The following RORA variants were observed in gnomAD, a reference collection of about 807,000 sequenced individuals.
RORA encodes the protein RAR related orphan receptor A.
RORA carries 7 observed loss-of-function variants against 69.5 expected under a neutral mutation model. That is an observed-to-expected ratio of 0.10 (90% CI 0.06 to 0.19). The LOEUF is 0.19. Ranked by LOEUF, RORA falls within the 10% of genes least tolerant of loss-of-function variation. The pLI is 1.00. For synonymous variants in RORA, 261 were observed against 240.8 expected, an observed-to-expected ratio of 1.08 and a Z score of -0.78; for missense variants, 457 against 663.0, an observed-to-expected ratio of 0.69 and a Z score of 3.41.
chr15:60,895,737 C>T (rs986728118), intron 1 of RORA, among the ~76,000 whole-genome samples: 3 of 152,210 alleles, frequency 2.0e-5, no homozygotes, highest in East Asian at 1.9e-4. Flanking sequence ...GCCCATACAA[C>T]GCACATGGTC....
chr15:60,521,279 G>A (rs945217859), intron 3 of RORA, among the ~76,000 whole-genome samples: 1 of 148,676 alleles, frequency 6.7e-6, no homozygotes, highest in African/African-American at 2.5e-5. Flanking sequence ...GTCTTGGTCC[G>A]TCACCAGGCT....
intron 1 of RORA, among the ~76,000 whole-genome samples, chr15:60,774,461 C>G (rs997736290): frequency 5.3e-5 from 8 of 152,210 alleles, no homozygotes; most frequent in Non-Finnish European, 8.8e-5. Context: ...CACCAGACAT[C>G]CCTTCCTAAG....
At chr15:60,718,647 T>C (rs2071251531) in intron 1 of RORA, among the ~76,000 whole-genome samples, 1 of 152,086 alleles carries the variant, frequency 6.6e-6, no homozygotes, top group Non-Finnish European at 1.5e-5. Flanking sequence ...AGTGGAGTAG[T>C]GAGAAATTAA....
intron 1 of RORA, among the ~76,000 whole-genome samples, chr15:60,875,217 A>G (rs946233489): frequency 6.6e-6 from 1 of 152,204 alleles, no homozygotes; most frequent in African/African-American, 2.4e-5. Context: ...TGCCTGGTAC[A>G]TAGTTGATGC....
rs138317498 is a variant in RORA at position 60,934,388 on chromosome 15, A to G, written c.167-255702T>C. 2.3e-3 allele frequency among the ~76,000 whole-genome samples: 341 copies of G among 150,476 alleles called. 3 individuals are homozygous for G. The highest frequency in any genetic ancestry group is 7.8e-3 in the African/African-American group (318 of 41,008). ...AGTCCTCTGGAGGGCTTGTAAAAAGAAAAAAAAACAAAAACACAGATTGCT... is the reference window on the plus strand; with the variant it reads ...AGTCCTCTGGAGGGCTTGTAAAAAGGAAAAAAAACAAAAACACAGATTGCT... On this transcript the variant is annotated intron_variant, in intron 1 of 10. Coordinates refer to ENST00000335670, the MANE Select transcript of RORA (RefSeq NM_134261.3).
chr15:60,992,186 G>A (rs1894400527), intron 1 of RORA, among the ~76,000 whole-genome samples: 1 of 152,168 alleles, frequency 6.6e-6, no homozygotes, highest in South Asian at 2.1e-4. Context: ...GGAGGAAATG[G>A]CACAAAGAAG....
At chr15:60,558,384 A>G (rs2067433105) in intron 2 of RORA, 1 of 871,692 alleles carries the variant, frequency 1.1e-6, no homozygotes, top group Non-Finnish European at 1.9e-6. Flanking sequence ...TGTTTATTAC[A>G]AAACAGGAAC....
chr15:60,627,966 T>C (rs2069636244), intron 2 of RORA, among the ~76,000 whole-genome samples: 1 of 152,228 alleles, frequency 6.6e-6, no homozygotes, highest in African/African-American at 2.4e-5. Context: ...TAATTATTTA[T>C]TTATTTTTTA....
intron 1 of RORA, among the ~76,000 whole-genome samples, chr15:60,866,870 A>T (rs1424477875): frequency 6.6e-6 from 1 of 151,456 alleles, no homozygotes; most frequent in African/African-American, 2.4e-5. Flanking sequence ...CTACCTATCT[A>T]CCTATCTAGT....
At chr15:60,681,145 T>C (rs547837238) in intron 1 of RORA, among the ~76,000 whole-genome samples, 52 of 152,328 alleles carry the variant, frequency 3.4e-4, no homozygotes, top group Non-Finnish European at 6.3e-4. Flanking sequence ...TAGTACTTCA[T>C]AGTAAATGAT....
Position 60,734,618 on chromosome 15 carries a change from C to T in RORA, c.167-55932G>A, listed in dbSNP as rs558595873. ...GCCCACTGTTAGATTTCTTGGGACC[C>T]CGACCTCTCCATGTCCTGCGTGGGT... is the stretch of plus-strand genomic sequence containing the variant. On this transcript the variant is annotated intron_variant, in intron 1 of 10. Transcript: ENST00000335670. Among the ~76,000 whole-genome samples, 6 of 152,262 alleles carry T rather than the reference C, an allele frequency of 3.9e-5. No homozygotes were observed. The South Asian group carries it at 1.2e-3, about 32-fold the overall frequency.
chr15:60,588,617 G>A (rs1170287967), intron 2 of RORA, among the ~76,000 whole-genome samples: 1 of 152,148 alleles, frequency 6.6e-6, no homozygotes, highest in Non-Finnish European at 1.5e-5. Flanking sequence ...CTTTTATTGT[G>A]TCTCACTTGA....
At chr15:60,928,879 G>A (rs1211308937) in intron 1 of RORA, among the ~76,000 whole-genome samples, 1 of 152,232 alleles carries the variant, frequency 6.6e-6, no homozygotes, top group Non-Finnish European at 1.5e-5. Context: ...GGGGCACCAG[G>A]TGTACAGCTA....
intron 1 of RORA, among the ~76,000 whole-genome samples, chr15:61,201,718 A>G (rs1363658375): frequency 6.6e-6 from 1 of 152,230 alleles, no homozygotes; most frequent in East Asian, 1.9e-4. Flanking sequence ...AAACCAGTGA[A>G]ACACTGTCTC....
At chr15:61,196,844 G>A (rs2079850044) in intron 1 of RORA, among the ~76,000 whole-genome samples, 1 of 152,192 alleles carries the variant, frequency 6.6e-6, no homozygotes, top group Non-Finnish European at 1.5e-5. Flanking sequence ...CAAACGGAGG[G>A]CTGCTTTTTC....
intron 1 of RORA, among the ~76,000 whole-genome samples, chr15:60,968,093 G>A (rs1477612108): frequency 6.6e-6 from 1 of 152,204 alleles, no homozygotes; most frequent in Non-Finnish European, 1.5e-5. Flanking sequence ...TAATAAATAT[G>A]TATTGGTGCT....
chr15:60,523,607 CCT>C (rs1438280522), intron 3 of RORA, among the ~76,000 whole-genome samples: 6 of 152,156 alleles, frequency 3.9e-5, no homozygotes, highest in African/African-American at 1.4e-4. Context: ...AATGCTTCCC[CCT>C]GACTTTGGAT....
Position 60,816,738 on chromosome 15 carries a change from A to AAAATAAAATAAAATAAAAT in RORA, c.167-138053_167-138052insATTTTATTTTATTTTATTT, listed in dbSNP as rs1555455470. On this transcript the variant is annotated intron_variant, in intron 1 of 10. Coordinates refer to ENST00000335670, the MANE Select transcript of RORA (RefSeq NM_134261.3). Reference sequence around the variant, plus strand: ...ACCCTAAAACTTAAAGTATAATAAAAAAAATAAAATAAAATAAAATAAAGT... The same window carrying AAAATAAAATAAAATAAAAT: ...ACCCTAAAACTTAAAGTATAATAAAAAAATAAAATAAAATAAAATAAAATAAAATAAAATAAAATAAAGT... Among the ~76,000 whole-genome samples the AAAATAAAATAAAATAAAAT allele has an allele frequency of 8.5e-3, 1,234 of 144,678 alleles. 36 individuals are homozygous for AAAATAAAATAAAATAAAAT. The highest frequency in any genetic ancestry group is 0.023 in the African/African-American group (877 of 38,654). The allele number at this position is 144,678 out of a possible 152,430, so 94.9% of individuals were successfully genotyped here. A position where few individuals can be genotyped will look rare whatever the true frequency, so the allele number is the denominator to read the frequency against.
chr15:60,686,309 C>G (rs1220112228), intron 1 of RORA, among the ~76,000 whole-genome samples: 1 of 152,222 alleles, frequency 6.6e-6, no homozygotes, highest in Non-Finnish European at 1.5e-5. Flanking sequence ...GGAAACATCC[C>G]TCTTCTCAGA....
Sources: gnomAD v4.1 joint callset for allele counts (sites outside exome capture counted in the v4.1 genomes callset) on GRCh38, gnomAD v4.1.1 for gene constraint, MANE v1.5 for transcripts, NCBI Gene and HGNC (gene_info 2026-07-23, HGNC 2026-07-21) for gene names.